The following SLC26A7 variants were observed in gnomAD, a reference collection of about 807,000 sequenced individuals.
The protein encoded by SLC26A7 is solute carrier family 26 member 7.
In SLC26A7, 59 loss-of-function variants were observed where a neutral mutation model predicts 82.5. The ratio of observed to expected loss-of-function variants is 0.72; its 90% CI spans 0.58 to 0.89. SLC26A7 has a LOEUF of 0.89. Ranked by LOEUF, SLC26A7 falls within the 40% of genes least tolerant of loss-of-function variation. The pLI, the probability that SLC26A7 is intolerant of heterozygous loss-of-function variation, is 0.00. For synonymous variants in SLC26A7, 271 were observed against 274.3 expected (o/e 0.99, Z 0.12); for missense variants, 820 against 793.0 (o/e 1.03, Z -0.41).
chr8:91,217,042 T>C (rs772320406), intron 1 of SLC26A7, among the ~76,000 whole-genome samples: 7 of 152,118 alleles, frequency 4.6e-5, no homozygotes, highest in Non-Finnish European at 8.8e-5. Flanking sequence ...ATGCAGCCTA[T>C]GGTGTCTCCT....
chr8:91,321,187 T>C (rs142481922), intron 5 of SLC26A7, among the ~76,000 whole-genome samples: 6 of 152,338 alleles, frequency 3.9e-5, no homozygotes, highest in African/African-American at 1.4e-4. Context: ...AATATTTCCA[T>C]CTCTTTGGTT....
chr8:91,370,932 T>C (rs946191709), intron 15 of SLC26A7, among the ~76,000 whole-genome samples: 5 of 151,900 alleles, frequency 3.3e-5, no homozygotes, highest in African/African-American at 1.2e-4. Flanking sequence ...TAACAGTGAT[T>C]TTTATTGGAA....
chr8:91,343,488 G>C, intron 9 of SLC26A7, 22 bp downstream of exon 9: 1 of 1,551,552 alleles, frequency 6.4e-7, no homozygotes, highest in Non-Finnish European at 8.9e-7. Context: ...GTTCCACAGG[G>C]ACAAAGCACT....
chr8:91,312,630 T>C (rs905541329), intron 4 of SLC26A7, among the ~76,000 whole-genome samples: 2 of 114,682 alleles, frequency 1.7e-5, no homozygotes, highest in Non-Finnish European at 3.6e-5. Flanking sequence ...TGTGTGTGTA[T>C]GTAGGTGTGT....
At chr8:91,385,652 G>A (rs1018685316) in intron 15 of SLC26A7, among the ~76,000 whole-genome samples, 2 of 151,914 alleles carry the variant, frequency 1.3e-5, no homozygotes, top group African/African-American at 4.8e-5. Flanking sequence ...AGAGGAAGTT[G>A]GATAAAAAAA....
rs971844931 is a variant in SLC26A7, at chr8:91,396,801, A to G, written c.*1704A>G. ...AAATAATTTTATTCTGCTTTGTCCAATTAAATTATTCCAATGGCGGATGGT... is the reference window on the plus strand; with the variant it reads ...AAATAATTTTATTCTGCTTTGTCCAGTTAAATTATTCCAATGGCGGATGGT... On this transcript the variant is annotated 3_prime_UTR_variant, in exon 19 of 19. Coordinates refer to ENST00000276609, the MANE Select transcript of SLC26A7 (RefSeq NM_052832.4). The G allele has an allele frequency of 2.6e-5, 4 of 152,092 alleles. No individual in the cohort carries two copies. The highest frequency in any genetic ancestry group is 1.9e-4 in the East Asian group (1 of 5,188). The allele number at this position is 152,092 out of a possible 1,614,324, so 9.4% of individuals were successfully genotyped here. A position where few individuals can be genotyped will look rare whatever the true frequency, so the allele number is the denominator to read the frequency against.
chr8:91,295,944 A>G (rs1307343200), intron 4 of SLC26A7, among the ~76,000 whole-genome samples: 1 of 152,214 alleles, frequency 6.6e-6, no homozygotes, highest in African/African-American at 2.4e-5. Context: ...TTAAGAATGA[A>G]CTTTCTAAAA....
At chr8:91,277,389 C>T (rs34966681) in intron 2 of SLC26A7, among the ~76,000 whole-genome samples, 13,106 of 152,114 alleles carry the variant, frequency 0.086, 832 homozygotes, top group African/African-American at 0.18. Context: ...GCATATGCTC[C>T]TTTCAAAGTC....
intron 2 of SLC26A7, among the ~76,000 whole-genome samples, chr8:91,228,824 G>A (rs943814563): frequency 2.6e-5 from 4 of 152,098 alleles, no homozygotes; most frequent in Non-Finnish European, 5.9e-5. Flanking sequence ...AAAAAAGTGC[G>A]TTTAAAATGT....
intron 1 of SLC26A7, among the ~76,000 whole-genome samples, chr8:91,218,552 T>A (rs1810099781): frequency 6.6e-6 from 1 of 152,170 alleles, no homozygotes. Flanking sequence ...ATTGATCAAT[T>A]TAATACCCCT....
At chr8:91,313,914 T>G (rs1428292185) in intron 4 of SLC26A7, among the ~76,000 whole-genome samples, 1 of 152,222 alleles carries the variant, frequency 6.6e-6, no homozygotes, top group African/African-American at 2.4e-5. Context: ...TCTTTGTTAT[T>G]TTTAAATATT....
intron 18 of SLC26A7, chr8:91,394,395 C>T (rs1362889695): frequency 1.3e-6 from 2 of 1,484,518 alleles, no homozygotes; most frequent in Admixed American, 5.0e-5. Context: ...CTAAATATGG[C>T]CTTTTAAGTT....
chr8:91,381,290 A>G (rs1814664001), intron 15 of SLC26A7, among the ~76,000 whole-genome samples: 1 of 152,168 alleles, frequency 6.6e-6, no homozygotes, highest in African/African-American at 2.4e-5. Flanking sequence ...AATACATAGT[A>G]TAATATCAAT....
At position 91,249,625 on chromosome 8, in the gene SLC26A7, T is replaced by G; in HGVS notation, c.-27T>G. On this transcript the variant is annotated 5_prime_UTR_variant, in exon 2 of 19. Coordinates refer to ENST00000276609, the MANE Select transcript of SLC26A7 (RefSeq NM_052832.4). ...GATTTTTTTTCTTGTTTAGAGAAGT[T>G]TACTTCTACAAGAAGAAATCTGAAA... The G allele has an allele frequency of 6.7e-7, 1 of 1,486,428 alleles. No individual in the cohort carries two copies. The highest frequency in any genetic ancestry group is 8.9e-7 in the Non-Finnish European group (1 of 1,118,378). The allele number at this position is 1,486,428 out of a possible 1,614,324, so 92.1% of individuals were successfully genotyped here. A position where few individuals can be genotyped will look rare whatever the true frequency, so the allele number is the denominator to read the frequency against.
intron 5 of SLC26A7, among the ~76,000 whole-genome samples, chr8:91,324,372 ATG>A (rs1812878569): frequency 6.6e-6 from 1 of 152,194 alleles, no homozygotes; most frequent in Admixed American, 6.5e-5. Context: ...TAGGATTCAA[ATG>A]CAATGAGCTT....
At chr8:91,302,088 C>T (rs1393936820) in intron 4 of SLC26A7, among the ~76,000 whole-genome samples, 1 of 151,844 alleles carries the variant, frequency 6.6e-6, no homozygotes, top group East Asian at 1.9e-4. Context: ...TTTATGTTAC[C>T]TAATTTACTA....
At chr8:91,281,871 C>T (rs1586359403) in intron 2 of SLC26A7, among the ~76,000 whole-genome samples, 1 of 152,254 alleles carries the variant, frequency 6.6e-6, no homozygotes, top group South Asian at 2.1e-4. Context: ...GAATATTAAG[C>T]ATACCTTTTC....
At chr8:91,220,649 G>A (rs1810145970) in intron 2 of SLC26A7, among the ~76,000 whole-genome samples, 1 of 152,070 alleles carries the variant, frequency 6.6e-6, no homozygotes, top group South Asian at 2.1e-4. Context: ...ATGGCTTCTA[G>A]CTTTACACAA....
At chr8:91,260,460 G>A (rs986701084) in intron 2 of SLC26A7, among the ~76,000 whole-genome samples, 2 of 152,076 alleles carry the variant, frequency 1.3e-5, no homozygotes, top group Admixed American at 6.6e-5. Context: ...TAAGCCATAC[G>A]TTCCTTGAGG....
Sources: gnomAD v4.1 joint callset for allele counts (sites outside exome capture counted in the v4.1 genomes callset) on GRCh38, gnomAD v4.1.1 for gene constraint, MANE v1.5 for transcripts, NCBI Gene and HGNC (gene_info 2026-07-23, HGNC 2026-07-21) for gene names.